C12orf42: variants seen among roughly 807,000 people sequenced by gnomAD.
C12orf42 encodes uncharacterized protein C12orf42.
In C12orf42, 25 loss-of-function variants were observed where a neutral mutation model predicts 21.6. That is an observed-to-expected ratio of 1.16 (90% confidence interval 0.84 to 1.62). C12orf42 has a LOEUF of 1.62. Among genes scored for constraint, C12orf42 ranks in the 40% most tolerant of loss-of-function variants. The probability of loss-of-function intolerance (pLI) is 0.00; values close to 1 mark genes in which losing one functional copy is unlikely to be tolerated. For missense variants in C12orf42, 483 were observed against 459.3 expected, an observed-to-expected ratio of 1.05 and a Z score of -0.47; for synonymous variants, 174 against 175.0, an observed-to-expected ratio of 0.99 and a Z score of 0.05.
chr12:103,276,845 C>T (rs534555875), intron 5 of C12orf42, among the ~76,000 whole-genome samples: 109 of 152,166 alleles, frequency 7.2e-4, no homozygotes, highest in Middle Eastern at 6.8e-3. Context: ...TGATTTAGCC[C>T]TCCTCATCAT....
chr12:103,530,490 C>T, the C12orf42 span, among the ~76,000 whole-genome samples: 3 of 152,106 alleles, frequency 2.0e-5, no homozygotes, highest in African/African-American at 4.8e-5. Context: ...GTGGGAAAGC[C>T]CCATGTGTTG....
the C12orf42 span, among the ~76,000 whole-genome samples, chr12:103,227,307 A>G: frequency 6.6e-6 from 1 of 151,716 alleles, no homozygotes; most frequent in Non-Finnish European, 1.5e-5. Flanking sequence ...GTGCAGAGAT[A>G]TAAGAGGTTG....
downstream of C12orf42, among the ~76,000 whole-genome samples, chr12:103,301,377 T>TC (rs1272422485): frequency 6.6e-6 from 1 of 152,006 alleles, no homozygotes; most frequent in African/African-American, 2.4e-5. Flanking sequence ...ACTAAACTCA[T>TC]AAAATCAATT....
At chr12:103,473,879 G>T (rs1227613982) in intron 2 of C12orf42, among the ~76,000 whole-genome samples, 1 of 152,208 alleles carries the variant, frequency 6.6e-6, no homozygotes, top group East Asian at 1.9e-4. Flanking sequence ...GAGTAGCACA[G>T]AGGATGTGCA....
chr12:103,457,983 G>T (rs1952426912), intron 2 of C12orf42, among the ~76,000 whole-genome samples: 1 of 152,152 alleles, frequency 6.6e-6, no homozygotes, highest in Non-Finnish European at 1.5e-5. Flanking sequence ...AGGCTCTGTT[G>T]CCTGTCCTCC....
the C12orf42 span, among the ~76,000 whole-genome samples, chr12:103,219,714 C>A: frequency 6.6e-6 from 1 of 152,170 alleles, no homozygotes; most frequent in African/African-American, 2.4e-5. Context: ...CAATGAGATA[C>A]CATCTCACAC....
In C12orf42 at chr12:103,379,244, G is replaced by T. The variant is rs541450457; in HGVS notation, c.148-10246C>A. Among the ~76,000 whole-genome samples, 24 of 152,268 alleles carry T rather than the reference G, an allele frequency of 1.6e-4. No homozygotes were observed. The South Asian group carries it at 5.0e-3, about 32-fold the overall frequency. On this transcript the variant is annotated intron_variant, in intron 3 of 5. Transcript: ENST00000548883. ...ATGGGAACAGGCATCCTCACCTATT[G>T]TTAGCTTTCTCTTTACAAGAGCATA...
At chr12:103,218,627 A>C in the C12orf42 span, among the ~76,000 whole-genome samples, 2 of 152,160 alleles carry the variant, frequency 1.3e-5, no homozygotes, top group Non-Finnish European at 2.9e-5. Flanking sequence ...TCTACTTTTT[A>C]TTTGAATTGT....
chr12:103,285,583 A>G (rs1472781933), intron 4 of C12orf42, among the ~76,000 whole-genome samples: 1 of 152,216 alleles, frequency 6.6e-6, no homozygotes, highest in Non-Finnish European at 1.5e-5. Flanking sequence ...TACAAAAAGG[A>G]GAGTTATTTG....
At chr12:103,116,648 G>A in the C12orf42 span, among the ~76,000 whole-genome samples, 32 of 152,182 alleles carry the variant, frequency 2.1e-4, no homozygotes, top group African/African-American at 7.2e-4. Context: ...ATTTGCTGCT[G>A]CATGGAGGCA....
intron 2 of C12orf42, among the ~76,000 whole-genome samples, chr12:103,442,327 T>C (rs970356147): frequency 6.6e-6 from 1 of 152,182 alleles, no homozygotes; most frequent in African/African-American, 2.4e-5. Flanking sequence ...TACTTTTTGA[T>C]CTCACAATCT....
the C12orf42 span, among the ~76,000 whole-genome samples, chr12:103,152,188 T>A: frequency 6.6e-6 from 1 of 152,182 alleles, no homozygotes; most frequent in Non-Finnish European, 1.5e-5. Flanking sequence ...TCCAGAGAAG[T>A]ACCTAGCCAC....
chr12:103,116,304 C>A, the C12orf42 span, among the ~76,000 whole-genome samples: 1 of 150,188 alleles, frequency 6.7e-6, no homozygotes, highest in African/African-American at 2.5e-5. Flanking sequence ...GCAGAGGATG[C>A]GGTGAGCTGA....
chr12:103,081,701 C>T, the C12orf42 span, among the ~76,000 whole-genome samples: 13 of 152,096 alleles, frequency 8.5e-5, no homozygotes, highest in African/African-American at 2.9e-4. Context: ...TCTTAGCTTT[C>T]AATGTTGCTT....
At chr12:103,303,705 A>G (rs1421298465) in intron 5 of C12orf42, among the ~76,000 whole-genome samples, 1 of 152,230 alleles carries the variant, frequency 6.6e-6, no homozygotes, top group Non-Finnish European at 1.5e-5. Flanking sequence ...CTCCCTCTGC[A>G]CATTCCACAT....
chr12:103,415,535 G>A (rs1566274858), intron 2 of C12orf42, among the ~76,000 whole-genome samples: 1 of 152,120 alleles, frequency 6.6e-6, no homozygotes, highest in Non-Finnish European at 1.5e-5. Context: ...CAGTCATAAA[G>A]CAAGTCTCGA....
intron 2 of C12orf42, among the ~76,000 whole-genome samples, chr12:103,403,388 A>AAG: frequency 6.6e-6 from 1 of 152,166 alleles, no homozygotes; most frequent in East Asian, 1.9e-4. Context: ...AAAAAAAAAA[A>AAG]AAAGAAAAAG....
the C12orf42 span, among the ~76,000 whole-genome samples, chr12:103,196,471 T>A: frequency 6.6e-6 from 1 of 152,154 alleles, no homozygotes; most frequent in East Asian, 1.9e-4. Flanking sequence ...AGTACTGAGT[T>A]TATGTCCCAA....
At chr12:103,219,816 G>A in the C12orf42 span, among the ~76,000 whole-genome samples, 1 of 152,212 alleles carries the variant, frequency 6.6e-6, no homozygotes, top group African/African-American at 2.4e-5. Flanking sequence ...GTTGGTGGAA[G>A]TGTAAATTAG....
Sources: allele counts gnomAD v4.1 joint callset (sites outside exome capture counted in the v4.1 genomes callset), GRCh38; gene constraint gnomAD v4.1.1; transcripts MANE v1.5; gene names NCBI Gene and HGNC (gene_info 2026-07-23, HGNC 2026-07-21).